The following ANO1 variants were observed in gnomAD, a reference collection of about 807,000 sequenced individuals.
ANO1 encodes the protein anoctamin-1.
A neutral mutation model predicts 124.0 loss-of-function variants in ANO1; 59 were observed. The ratio of observed to expected loss-of-function variants is 0.48; its 90% CI spans 0.39 to 0.59. ANO1 has a LOEUF of 0.59. ANO1 is among the 20% of genes least tolerant of loss of function. ANO1 has a pLI of 0.00. For missense variants in ANO1, 1,059 were observed against 1,328.0 expected, an observed-to-expected ratio of 0.80 and a Z score of 3.15; for synonymous variants, 529 against 532.0, an observed-to-expected ratio of 0.99 and a Z score of 0.08.
At chr11:70,000,323 G>C (rs1187837010) in intron 1 of ANO1, among the ~76,000 whole-genome samples, 3 of 9,550 alleles carry the variant, frequency 3.1e-4, no homozygotes, top group African/African-American at 7.4e-4. Context: ...AGATGGGCCG[G>C]GGGGGGATGC....
At chr11:70,157,457 G>A (rs1478943201) in intron 16 of ANO1, among the ~76,000 whole-genome samples, 4 of 151,782 alleles carry the variant, frequency 2.6e-5, no homozygotes, top group African/African-American at 7.3e-5. Context: ...AGGGTGCGCC[G>A]GCCCCATCTC....
At chr11:70,007,279 T>C (rs1309971842) in intron 1 of ANO1, among the ~76,000 whole-genome samples, 7 of 150,402 alleles carry the variant, frequency 4.7e-5, no homozygotes, top group African/African-American at 2.4e-5. Context: ...CTTTCTTTTT[T>C]TTTTTTTTTT....
intron 1 of ANO1, chr11:70,056,320 C>T (rs532497411): frequency 1.3e-5 from 2 of 152,252 alleles, no homozygotes; most frequent in African/African-American, 4.8e-5. Context: ...TTTCTTTCAG[C>T]AATTTCAATA....
At chr11:69,987,502 G>C (rs2375288) in intron 1 of ANO1, among the ~76,000 whole-genome samples, 123,683 of 151,760 alleles carry the variant, frequency 0.81, 50,930 homozygotes, top group East Asian at 0.99. Flanking sequence ...CTGTTGTCCC[G>C]GGGCTACCTG....
At chr11:70,182,725 A>C (rs779328514) in intron 24 of ANO1, 39 bp downstream of exon 24, 5 of 1,426,368 alleles carry the variant, frequency 3.5e-6, no homozygotes, top group East Asian at 5.3e-5. Context: ...AGCCACGTTT[A>C]TTGGGTTTCT....
intron 1 of ANO1, among the ~76,000 whole-genome samples, chr11:70,073,142 T>G (rs1349775533): frequency 6.6e-6 from 1 of 152,174 alleles, no homozygotes; most frequent in Non-Finnish European, 1.5e-5. Flanking sequence ...GAAGAAGAAT[T>G]GAACCAGTGG....
chr11:70,031,233 C>A (rs1203326974), intron 1 of ANO1, among the ~76,000 whole-genome samples: 1 of 152,228 alleles, frequency 6.6e-6, no homozygotes, highest in East Asian at 1.9e-4. Flanking sequence ...GTGTGAGCCA[C>A]TGATCCAGGC....
Position 70,019,243 on chromosome 11 carries a change from C to A in ANO1, c.58+33077C>A, listed in dbSNP as rs1384378168. On this transcript the variant is annotated intron_variant, in intron 1 of 27. Transcript: ENST00000531349. Reference sequence around the variant, plus strand: ...GCAGGGGAGGGAAAGAAGAACCCCCCCACACACACACACACACACATTCAC... The same window carrying A: ...GCAGGGGAGGGAAAGAAGAACCCCCACACACACACACACACACACATTCAC... Among the ~76,000 whole-genome samples the A allele has an allele frequency of 1.8e-4, 22 of 122,088 alleles. 1 individual carries two copies. Among genetic ancestry groups the A allele is most frequent in the Non-Finnish European group, 5.1e-5 (3 of 58,258 alleles). The allele number at this position is 122,088 out of a possible 152,430, so 80.1% of individuals were successfully genotyped here. A position where few individuals can be genotyped will look rare whatever the true frequency, so the allele number is the denominator to read the frequency against.
chr11:70,168,297 T>C (rs2048331195), intron 21 of ANO1, among the ~76,000 whole-genome samples: 1 of 152,104 alleles, frequency 6.6e-6, no homozygotes, highest in Non-Finnish European at 1.5e-5. Flanking sequence ...CTCTCCCAAA[T>C]ACCTGCATGG....
At chr11:69,978,302 G>A in the ANO1 span, among the ~76,000 whole-genome samples, 6 of 152,202 alleles carry the variant, frequency 3.9e-5, no homozygotes, top group African/African-American at 4.8e-5. Context: ...CCCTAGAAGC[G>A]GATGGACTGG....
chr11:70,167,762 G>A (rs1307826697), intron 21 of ANO1, among the ~76,000 whole-genome samples: 1 of 152,114 alleles, frequency 6.6e-6, no homozygotes, highest in Non-Finnish European at 1.5e-5. Flanking sequence ...AGCCTGGGTT[G>A]TGCAGCTCTT....
At chr11:70,042,563 GA>G (rs2135060289) in intron 1 of ANO1, among the ~76,000 whole-genome samples, 1 of 152,216 alleles carries the variant, frequency 6.6e-6, no homozygotes, top group Non-Finnish European at 1.5e-5. Context: ...GAGAGAGAGA[GA>G]GAGAGAAATC....
rs2044346464 is a variant in ANO1 at position 70,085,691 on chromosome 11, C to G, written c.109-2061C>G. 22 of 1,456,622 alleles carry G rather than the reference C, an allele frequency of 1.5e-5. 1 individual carries two copies. The Middle Eastern group carries it at 9.2e-4, about 61-fold the overall frequency. The allele number at this position is 1,456,622 out of a possible 1,614,324, so 90.2% of individuals were successfully genotyped here. A position where few individuals can be genotyped will look rare whatever the true frequency, so the allele number is the denominator to read the frequency against. Reference sequence around the variant, plus strand: ...GAAAGGTGGGGCAGCCCCCAACCAGCAGCCCTGGCCCAGAGCCTCCTCTCT... The same window carrying G: ...GAAAGGTGGGGCAGCCCCCAACCAGGAGCCCTGGCCCAGAGCCTCCTCTCT... On this transcript the variant is annotated intron_variant, in intron 1 of 25. Transcript: ENST00000355303.
intron 21 of ANO1, chr11:70,169,959 T>C (rs1297722287): frequency 9.0e-6 from 3 of 334,266 alleles, no homozygotes; most frequent in South Asian, 2.3e-5. Flanking sequence ...CAGAAACCTT[T>C]TCCTGACCTT....
At chr11:70,137,772 C>A (rs527646768) in intron 11 of ANO1, among the ~76,000 whole-genome samples, 2 of 147,374 alleles carry the variant, frequency 1.4e-5, no homozygotes, top group East Asian at 4.1e-4. Context: ...TGCTTCTACT[C>A]TCTGGGTCCC....
chr11:70,058,061 G>A (rs1857481915), intron 1 of ANO1, among the ~76,000 whole-genome samples: 1 of 152,096 alleles, frequency 6.6e-6, no homozygotes, highest in South Asian at 2.1e-4. Context: ...GGTAAGGGGT[G>A]ATATTGTGGG....
At chr11:70,025,815 GTGA>G (rs1446602725) in intron 1 of ANO1, among the ~76,000 whole-genome samples, 2 of 127,430 alleles carry the variant, frequency 1.6e-5, no homozygotes, top group Admixed American at 1.5e-4. Flanking sequence ...GATGATGATG[GTGA>G]TGATGATGGT....
chr11:70,175,642 G>C (rs898190191), intron 22 of ANO1, among the ~76,000 whole-genome samples: 7 of 152,234 alleles, frequency 4.6e-5, no homozygotes, highest in African/African-American at 1.7e-4. Flanking sequence ...GTGGGAAAGT[G>C]CAGCCTCCAT....
At chr11:70,049,762 G>T (rs1385578174) in intron 1 of ANO1, among the ~76,000 whole-genome samples, 1 of 151,918 alleles carries the variant, frequency 6.6e-6, no homozygotes, top group African/African-American at 2.4e-5. Flanking sequence ...ACTCTGTTGC[G>T]CAGGCTGGAG....
Sources: allele counts gnomAD v4.1 joint callset (sites outside exome capture counted in the v4.1 genomes callset), GRCh38; gene constraint gnomAD v4.1.1; transcripts MANE v1.5; gene names NCBI Gene and HGNC (gene_info 2026-07-23, HGNC 2026-07-21).